STT3B: variants seen among roughly 807,000 people sequenced by gnomAD.
STT3B encodes dolichyl-diphosphooligosaccharide--protein glycosyltransferase subunit STT3B.
In STT3B, 29 loss-of-function variants were observed where a neutral mutation model predicts 96.8. That is an observed-to-expected ratio of 0.30 (90% CI 0.22 to 0.41). STT3B has a LOEUF of 0.41. Among genes scored for constraint, STT3B ranks in the 10% least tolerant of loss-of-function variants. The pLI is 1.00. For missense variants in STT3B, 640 were observed against 1,022.3 expected (o/e 0.63, Z 5.10); for synonymous variants, 367 against 360.0 (o/e 1.02, Z -0.22).
At chr3:31,628,619 A>G (rs949652712) in intron 13 of STT3B, among the ~76,000 whole-genome samples, 6 of 152,170 alleles carry the variant, frequency 3.9e-5, no homozygotes, top group Non-Finnish European at 7.3e-5. Flanking sequence ...AGGTTAATTT[A>G]TAAGTTAACC....
chr3:31,558,702 T>A (rs536105606), intron 1 of STT3B, among the ~76,000 whole-genome samples: 1 of 152,260 alleles, frequency 6.6e-6, no homozygotes, highest in East Asian at 1.9e-4. Flanking sequence ...GAGAATTCCC[T>A]CCCCTTCAGT....
At chr3:31,577,386 A>G (rs1698287499) in intron 2 of STT3B, among the ~76,000 whole-genome samples, 1 of 152,110 alleles carries the variant, frequency 6.6e-6, no homozygotes, top group African/African-American at 2.4e-5. Context: ...TAGTATTTTC[A>G]TTATCATTTA....
At chr3:31,565,346 T>C (rs370865937) in intron 1 of STT3B, among the ~76,000 whole-genome samples, 38 of 152,328 alleles carry the variant, frequency 2.5e-4, no homozygotes, top group African/African-American at 9.1e-4. Flanking sequence ...CCCAAGTAGT[T>C]GTGTAACATT....
At chr3:31,559,194 CTCTT>C (rs750286527) in intron 1 of STT3B, among the ~76,000 whole-genome samples, 10 of 132,454 alleles carry the variant, frequency 7.5e-5, no homozygotes, top group East Asian at 2.3e-4. Flanking sequence ...TGTGTGTTGT[CTCTT>C]TCATTTAGTT....
At position 31,533,187 on chromosome 3, in the gene STT3B, G is replaced by A; in HGVS notation, c.189G>A (p.Ser63=). 8.4e-6 allele frequency: 12 copies of A among 1,423,444 alleles called. No homozygotes were observed. The highest frequency in any genetic ancestry group is 1.1e-5 in the Non-Finnish European group (12 of 1,078,644). 88.2% of individuals were successfully genotyped at this position (1,423,444 alleles called of 1,614,324 possible). ...CGGCGGGGCTGTCCGGGGGGCTGTCGCAGCCGGCTGGGTGGCAGTCGCTTC... is the reference window on the plus strand; with the variant it reads ...CGGCGGGGCTGTCCGGGGGGCTGTCACAGCCGGCTGGGTGGCAGTCGCTTC... ...PAPAGLSGGL[S]QPAGWQSLLS... is the part of the protein sequence containing the mutation. Residue 63 remains serine, a synonymous_variant, in exon 1 of 16, where the codon TCG becomes TCA. Transcript: ENST00000295770.
At chr3:31,619,939 T>C (rs1404656085) in intron 9 of STT3B, 109 bp downstream of exon 9, 1 of 1,510,254 alleles carries the variant, frequency 6.6e-7, no homozygotes, top group Non-Finnish European at 8.8e-7. Flanking sequence ...ATATTCAAGA[T>C]AAATTTTCTC....
chr3:31,634,401 T>C lies in STT3B; in HGVS notation c.2400+1254T>C, dbSNP rs534392879. On this transcript the variant is annotated intron_variant, in intron 15 of 15. Coordinates refer to ENST00000295770, the MANE Select transcript of STT3B (RefSeq NM_178862.3). The stretch of plus-strand genomic sequence containing the variant: ...TGAATTTTCTTCATTTGACCCCTTT[T>C]CTCTTCCCATCATTTTCCCCAAATA... 2.6e-5 allele frequency among the ~76,000 whole-genome samples: 4 copies of C among 152,304 alleles called. No individual in the cohort carries two copies. The South Asian group carries it at 8.3e-4, about 32-fold the overall frequency.
At chr3:31,587,845 A>G (rs145413168) in intron 3 of STT3B, among the ~76,000 whole-genome samples, 3 of 152,262 alleles carry the variant, frequency 2.0e-5, no homozygotes, top group African/African-American at 7.2e-5. Flanking sequence ...CTAATTTCCC[A>G]TGTGACTGAC....
intron 3 of STT3B, among the ~76,000 whole-genome samples, chr3:31,588,329 T>G (rs1373130156): frequency 6.6e-6 from 1 of 152,100 alleles, no homozygotes; most frequent in East Asian, 1.9e-4. Context: ...CCTTAAAATA[T>G]TTGTCTCAAA....
At position 31,533,328 on chromosome 3, in the gene STT3B, C is replaced by A; in HGVS notation, c.314+16C>A. The A allele has an allele frequency of 1.3e-6, 2 of 1,509,620 alleles. No individual in the cohort carries two copies. Among genetic ancestry groups the A allele is most frequent in the South Asian group, 1.2e-5 (1 of 81,284 alleles). The allele number at this position is 1,509,620 out of a possible 1,614,324, so 93.5% of individuals were successfully genotyped here. ...TCGACCCGTGGTAAGTGCCTCGCCG[C>A]CCCTCCCCCGCCCGTGGCCCGCGGG... On this transcript the variant is annotated intron_variant, in intron 1 of 15. Coordinates refer to ENST00000295770, the MANE Select transcript of STT3B (RefSeq NM_178862.3).
chr3:31,559,923 TATC>T (rs1697830991), intron 1 of STT3B, among the ~76,000 whole-genome samples: 1 of 152,112 alleles, frequency 6.6e-6, no homozygotes, highest in African/African-American at 2.4e-5. Context: ...TGAATCCACT[TATC>T]ATTATATAAT....
At chr3:31,548,976 G>A (rs909737931) in intron 1 of STT3B, among the ~76,000 whole-genome samples, 1 of 152,086 alleles carries the variant, frequency 6.6e-6, no homozygotes, top group African/African-American at 2.4e-5. Context: ...AAGTTGTTCA[G>A]TTAACTGTTA....
chr3:31,634,876 C>T (rs73826820), intron 15 of STT3B, among the ~76,000 whole-genome samples: 2 of 151,820 alleles, frequency 1.3e-5, no homozygotes, highest in African/African-American at 2.4e-5. Context: ...AAAATTGTAC[C>T]CTCTGAAGTT....
intron 3 of STT3B, among the ~76,000 whole-genome samples, chr3:31,592,750 C>A (rs1159255546): frequency 6.6e-6 from 1 of 152,150 alleles, no homozygotes; most frequent in Non-Finnish European, 1.5e-5. Flanking sequence ...CCAGGGTATT[C>A]ACGGTGACTT....
In STT3B at chr3:31,533,109, G is replaced by A. The variant is rs779666827; in HGVS notation, c.111G>A (p.Gly37=). The change falls in exon 1 of 16, where the codon GGG becomes GGA. Residue 37 remains glycine, a synonymous_variant. Coordinates refer to ENST00000295770, the MANE Select transcript of STT3B (RefSeq NM_178862.3). The part of the protein sequence containing the change: ...GNSRHGHHGP[G]AQCAHKAAGG... Reference sequence around the variant, plus strand: ...GCCGGCACGGCCACCACGGGCCCGGGGCCCAGTGCGCGCACAAGGCGGCGG... The same window carrying A: ...GCCGGCACGGCCACCACGGGCCCGGAGCCCAGTGCGCGCACAAGGCGGCGG... 29 of 1,403,436 alleles carry A rather than the reference G, an allele frequency of 2.1e-5. No homozygotes were observed. Among genetic ancestry groups the A allele is most frequent in the Non-Finnish European group, 2.5e-5 (27 of 1,079,208 alleles). 86.9% of individuals were successfully genotyped at this position (1,403,436 alleles called of 1,614,324 possible).
intron 11 of STT3B, among the ~76,000 whole-genome samples, chr3:31,624,252 G>A (rs997237630): frequency 2.6e-5 from 4 of 152,128 alleles, no homozygotes; most frequent in Non-Finnish European, 5.9e-5. Context: ...GCCAGCCTCT[G>A]CCTTGTGCTC....
At chr3:31,628,896 G>A (rs1699592833) in intron 13 of STT3B, among the ~76,000 whole-genome samples, 1 of 152,086 alleles carries the variant, frequency 6.6e-6, no homozygotes, top group African/African-American at 2.4e-5. Context: ...CTTCAGCCCA[G>A]TAGTTCAAGA....
chr3:31,553,814 C>T (rs148786270), intron 1 of STT3B, among the ~76,000 whole-genome samples: 11 of 152,264 alleles, frequency 7.2e-5, no homozygotes, highest in African/African-American at 2.6e-4. Flanking sequence ...TTGCCTCTTC[C>T]TCCTGTGAGA....
At chr3:31,613,476 A>T (rs756588978) in intron 5 of STT3B, among the ~76,000 whole-genome samples, 2 of 152,078 alleles carry the variant, frequency 1.3e-5, no homozygotes, top group Non-Finnish European at 2.9e-5. Context: ...TTGACTTCTC[A>T]GCTCTGGATA....
Sources: gnomAD v4.1 joint callset for allele counts (sites outside exome capture counted in the v4.1 genomes callset) on GRCh38, gnomAD v4.1.1 for gene constraint, MANE v1.5 for transcripts, NCBI Gene and HGNC (gene_info 2026-07-23, HGNC 2026-07-21) for gene names.